Variants in RNF14 observed in about 807,000 individuals in gnomAD.
The protein encoded by RNF14 is E3 ubiquitin-protein ligase RNF14.
A neutral mutation model predicts 52.6 loss-of-function variants in RNF14; 26 were observed. The observed-to-expected ratio is 0.49, with a 90% CI of 0.36 to 0.69. The LOEUF is 0.69. RNF14 is among the 30% of genes least tolerant of loss of function. RNF14 has a pLI of 0.00. For missense variants in RNF14, 404 were observed against 560.4 expected (o/e 0.72, Z 2.82); for synonymous variants, 194 against 202.0 (o/e 0.96, Z 0.34).
upstream of RNF14, chr5:141,968,926 G>A (rs1276180394): frequency 6.6e-6 from 1 of 152,242 alleles, no homozygotes; most frequent in Non-Finnish European, 1.5e-5. Flanking sequence ...CTACTGAAAA[G>A]AGCCTCCTGT....
chr5:141,985,776 A>G (rs186717224), intron 8 of RNF14, among the ~76,000 whole-genome samples: 2,554 of 152,210 alleles, frequency 0.017, 76 homozygotes, highest in African/African-American at 0.058. Context: ...GATGGTCTCG[A>G]TCTCCTGACC....
chr5:141,954,896 A>C, upstream of RNF14: 1 of 1,513,254 alleles, frequency 6.6e-7, no homozygotes, highest in Non-Finnish European at 8.9e-7. Flanking sequence ...AGGACTGTGC[A>C]GGTTATGGGG....
chr5:141,976,776 C>CTTT (rs70991717), intron 4 of RNF14, among the ~76,000 whole-genome samples: 24 of 100,080 alleles, frequency 2.4e-4, no homozygotes, highest in Non-Finnish European at 3.1e-4. Flanking sequence ...CTTTCTCTCT[C>CTTT]TTTTTTTTTT....
At chr5:141,955,561 T>C, upstream of RNF14, 1 of 1,614,186 alleles carries the variant, frequency 6.2e-7, no homozygotes. This position sits in a 1 kb window ranked among gnomAD's most constrained non-coding sequence, Gnocchi z 5.5. Flanking sequence ...CTGGGGCCTC[T>C]TGGGCTGCTG....
At chr5:141,972,747 C>T (rs1017112441) in intron 2 of RNF14, among the ~76,000 whole-genome samples, 5 of 152,056 alleles carry the variant, frequency 3.3e-5, no homozygotes, top group Admixed American at 3.3e-4. Context: ...TGAGCCACCA[C>T]ACCCAGCTAA....
rs376173586 is a variant in RNF14, at chr5:141,973,604, C to T, written c.16C>T (p.Arg6Ter). 1.5e-5 allele frequency: 24 copies of T among 1,608,784 alleles called. No individual in the cohort carries two copies. The highest frequency in any genetic ancestry group is 3.4e-5 in the Admixed American group (2 of 58,590). The part of the protein sequence containing the change: MSSED[R>*]EAQEDELLAL... ...TCAGGTCCTTATGTCGTCAGAAGAT[C>T]GAGAAGCTCAGGAGGATGAATTGCT... Residue 6 changes from arginine to a stop codon, truncating the protein, a stop_gained, in exon 3 of 9, where the codon CGA becomes TGA. Transcript: ENST00000394520. LOFTEE classifies it high-confidence loss of function.
Position 141,983,377 on chromosome 5 carries a change from T to A in RNF14, c.1064-3T>A. ...AAAGTTAATTTTCCATTTCACTTTG[T>A]AGAGAAATTAATGGACTTACGAAAT... On this transcript the variant is annotated splice_polypyrimidine_tract_variant and splice_region_variant and intron_variant, in intron 6 of 8. Transcript: ENST00000394520. 6.2e-7 allele frequency: 1 copy of A among 1,607,598 alleles called. No individual in the cohort carries two copies. Among genetic ancestry groups the A allele is most frequent in the East Asian group, 2.2e-5 (1 of 44,828 alleles).
At chr5:141,980,427 G>A in intron 6 of RNF14, 76 bp downstream of exon 6, 1 of 1,054,294 alleles carries the variant, frequency 9.5e-7, no homozygotes, top group Non-Finnish European at 1.4e-6. Flanking sequence ...AGGGCCTTAT[G>A]ACTTCATTCT....
chr5:141,983,550 G>A lies in RNF14; in HGVS notation c.1234G>A (p.Glu412Lys). The A allele has an allele frequency of 6.2e-7, 1 of 1,608,488 alleles. No homozygotes were observed. The highest frequency in any genetic ancestry group is 8.5e-7 in the Non-Finnish European group (1 of 1,178,946). ...KSCPCCGTPI[E>K]KLDGCNKMTC... ...CTGCCCATGTTGTGGAACTCCCATA[G>A]AGGTAAATGTTTTGGGACAGACTTG... is the stretch of plus-strand genomic sequence containing the variant. Residue 412 changes from glutamate to lysine, a missense_variant and splice_region_variant, in exon 7 of 9, where the codon GAG becomes AAG. Coordinates refer to ENST00000394520, the MANE Select transcript of RNF14 (RefSeq NM_004290.5).
At chr5:141,956,845 C>G, upstream of RNF14, 1 of 1,614,228 alleles carries the variant, frequency 6.2e-7, no homozygotes, top group Non-Finnish European at 8.5e-7. Context: ...GAGAACTTTG[C>G]AATGGGCTGG....
At chr5:141,958,691 G>A (rs1753226656) in intron 1 of RNF14, 1 of 152,266 alleles carries the variant, frequency 6.6e-6, no homozygotes, top group Non-Finnish European at 1.5e-5. Flanking sequence ...TTCAAATTCT[G>A]ACTTTGCAAC....
At chr5:141,987,124 T>C (rs1755308714) in intron 8 of RNF14, among the ~76,000 whole-genome samples, 1 of 152,102 alleles carries the variant, frequency 6.6e-6, no homozygotes, top group Non-Finnish European at 1.5e-5. Flanking sequence ...GAGCAAGTCT[T>C]CCCAAAGGGT....
rs1754854006 is a variant in RNF14, at chr5:141,982,276, T to G, written c.1064-1104T>G. ...ATATAACCTTTGTCCTTAAGATGCC[T>G]AGGAACACAAAAATGCATTGAATTA... On this transcript the variant is annotated intron_variant, in intron 6 of 8. Transcript: ENST00000394520. 2.0e-5 allele frequency among the ~76,000 whole-genome samples: 3 copies of G among 152,130 alleles called. 1 individual carries two copies. In the South Asian group the frequency reaches 6.2e-4, roughly 32 times the overall value.
intron 1 of RNF14, among the ~76,000 whole-genome samples, chr5:141,961,197 A>G (rs1025897852): frequency 9.2e-5 from 14 of 152,170 alleles, no homozygotes; most frequent in African/African-American, 3.1e-4. Flanking sequence ...GCAGTTATAT[A>G]TCTGTTGGGT....
chr5:141,955,735 G>A (rs1174558655), upstream of RNF14: 1 of 1,614,116 alleles, frequency 6.2e-7, no homozygotes, highest in Non-Finnish European at 8.5e-7. This position sits in a 1 kb window ranked among gnomAD's most constrained non-coding sequence, Gnocchi z 5.5. Context: ...AGGCTTGCGG[G>A]CTGAGTCCCT....
chr5:141,957,344 G>T (rs1688010352), upstream of RNF14: 6 of 1,613,726 alleles, frequency 3.7e-6, no homozygotes, highest in East Asian at 4.5e-5. The surrounding 1 kb of genome is among the most constrained non-coding windows in gnomAD (Gnocchi z 4.3). Context: ...GTGTAGGTGT[G>T]CAGGGTGTTA....
intron 7 of RNF14, 32 bp from the exon 8 acceptor site, chr5:141,984,771 T>G: frequency 6.2e-7 from 1 of 1,610,398 alleles, no homozygotes. Context: ...TTTACAGCCT[T>G]GATATTTTTC....
chr5:141,955,665 G>A (rs748190222), upstream of RNF14: 34 of 1,614,020 alleles, frequency 2.1e-5, no homozygotes, highest in Non-Finnish European at 2.6e-5. This position sits in a 1 kb window ranked among gnomAD's most constrained non-coding sequence, Gnocchi z 5.5. Flanking sequence ...GGATCAACCC[G>A]AAGATGCCCA....
intron 6 of RNF14, among the ~76,000 whole-genome samples, chr5:141,982,077 T>C (rs976709833): frequency 1.3e-5 from 2 of 152,192 alleles, no homozygotes; most frequent in Non-Finnish European, 2.9e-5. Flanking sequence ...TTTAGACTTC[T>C]GTAACCTTTT....
Sources: gnomAD v4.1 joint callset for allele counts (sites outside exome capture counted in the v4.1 genomes callset) on GRCh38, gnomAD v4.1.1 for gene constraint, Gnocchi (gnomAD v3.1) non-coding constraint, MANE v1.5 for transcripts, NCBI Gene and HGNC (gene_info 2026-07-23, HGNC 2026-07-21) for gene names.